Variants in NRG3 observed in about 807,000 individuals in gnomAD.
The protein encoded by NRG3 is pro-neuregulin-3, membrane-bound isoform.
Under a neutral mutation model 66.9 loss-of-function variants are expected in NRG3, and 31 were observed. The observed-to-expected ratio is 0.46, with a 90% CI of 0.35 to 0.63. The LOEUF is 0.63. Among genes scored for constraint, NRG3 ranks in the 20% least tolerant of loss-of-function variants. NRG3 has a pLI of 0.00. For synonymous variants in NRG3, 393 were observed against 359.4 expected, an observed-to-expected ratio of 1.09 and a Z score of -1.06; for missense variants, 910 against 878.9, an observed-to-expected ratio of 1.04 and a Z score of -0.45.
At chr10:81,908,258 T>C (rs1844787473) in intron 1 of NRG3, among the ~76,000 whole-genome samples, 1 of 152,204 alleles carries the variant, frequency 6.6e-6, no homozygotes, top group African/African-American at 2.4e-5. Flanking sequence ...TCATTTGATA[T>C]CACCAGTGAT....
At chr10:82,799,660 G>A (rs1047204390) in intron 3 of NRG3, 1 of 152,158 alleles carries the variant, frequency 6.6e-6, no homozygotes, top group South Asian at 2.1e-4. Flanking sequence ...ACTGATGGGG[G>A]ATTCGTGCAC....
chr10:82,188,801 G>A (rs1270562551), intron 1 of NRG3, among the ~76,000 whole-genome samples: 1 of 152,114 alleles, frequency 6.6e-6, no homozygotes, highest in African/African-American at 2.4e-5. Flanking sequence ...GAGGCTATGG[G>A]AGAGGTGAGG....
chr10:82,109,497 T>A (rs998327899), intron 1 of NRG3, among the ~76,000 whole-genome samples: 1 of 151,728 alleles, frequency 6.6e-6, no homozygotes. Context: ...TATAGAGGCT[T>A]ATTGTGTTGC....
At chr10:82,155,458 G>GT (rs1387598049) in intron 1 of NRG3, among the ~76,000 whole-genome samples, 7 of 151,772 alleles carry the variant, frequency 4.6e-5, no homozygotes. Flanking sequence ...ATGGATTACT[G>GT]TAATTATGAA....
At chr10:82,021,220 A>G (rs895312182) in intron 1 of NRG3, among the ~76,000 whole-genome samples, 5 of 152,044 alleles carry the variant, frequency 3.3e-5, no homozygotes, top group Admixed American at 2.6e-4. Flanking sequence ...AGCAAGTGCA[A>G]CGACGGTGTT....
intron 2 of NRG3, among the ~76,000 whole-genome samples, chr10:82,429,007 G>A (rs771799305): frequency 1.1e-4 from 17 of 151,670 alleles, no homozygotes; most frequent in East Asian, 7.7e-4. Flanking sequence ...AGTCTCTTTC[G>A]CCTGATAGTA....
intron 1 of NRG3, among the ~76,000 whole-genome samples, chr10:81,957,602 T>C (rs1355719951): frequency 6.6e-6 from 1 of 152,244 alleles, no homozygotes; most frequent in Admixed American, 6.5e-5. Flanking sequence ...TCTGTCTTTC[T>C]GTTACTCTAT....
At position 82,339,304 on chromosome 10, in the gene NRG3, G is replaced by A. The variant is rs114778572; in HGVS notation, c.824-19435G>A. ...CAGTTATGAAGAAATACCTGAGACT[G>A]GGTAATTTAAGAAGAAAAGAGGTTT... On this transcript the variant is annotated intron_variant, in intron 1 of 8. Transcript: ENST00000372141. Among the ~76,000 whole-genome samples the A allele has an allele frequency of 8.8e-3, 1,334 of 152,262 alleles. 19 individuals carry two copies. Among genetic ancestry groups the A allele is most frequent in the African/African-American group, 0.03 (1,259 of 41,540 alleles).
chr10:82,244,688 G>T, intron 1 of NRG3, among the ~76,000 whole-genome samples: 1 of 152,002 alleles, frequency 6.6e-6, no homozygotes, highest in Non-Finnish European at 1.5e-5. Context: ...AGGGGGTACT[G>T]AGAGCGGGGG....
At chr10:81,881,917 C>G (rs988481506) in intron 1 of NRG3, among the ~76,000 whole-genome samples, 2 of 151,872 alleles carry the variant, frequency 1.3e-5, no homozygotes, top group Non-Finnish European at 2.9e-5. Context: ...TAAACCCTTG[C>G]CCTGGGAATC....
At chr10:82,185,139 C>A (rs1159052558) in intron 1 of NRG3, among the ~76,000 whole-genome samples, 1 of 152,014 alleles carries the variant, frequency 6.6e-6, no homozygotes, top group Non-Finnish European at 1.5e-5. Context: ...AGACTCAGGA[C>A]CAGTCCTGGC....
chr10:82,612,542 G>T (rs1002360144), intron 2 of NRG3, among the ~76,000 whole-genome samples: 5 of 152,138 alleles, frequency 3.3e-5, no homozygotes, highest in Non-Finnish European at 7.4e-5. Context: ...GCATTAATGT[G>T]CAAGGAAGAA....
At chr10:82,284,051 C>T (rs1328213733) in intron 1 of NRG3, among the ~76,000 whole-genome samples, 1 of 152,138 alleles carries the variant, frequency 6.6e-6, no homozygotes. Flanking sequence ...TGAGTTGTTC[C>T]AATACAGACT....
At chr10:82,885,645 A>C (rs925378288) in intron 4 of NRG3, among the ~76,000 whole-genome samples, 4 of 152,214 alleles carry the variant, frequency 2.6e-5, no homozygotes, top group Non-Finnish European at 5.9e-5. Context: ...AGCCAACTGC[A>C]ATGTAATCAC....
At chr10:82,177,662 C>T (rs1362878062) in intron 1 of NRG3, among the ~76,000 whole-genome samples, 1 of 152,146 alleles carries the variant, frequency 6.6e-6, no homozygotes, top group Non-Finnish European at 1.5e-5. Flanking sequence ...CCACTTCTAC[C>T]TCTTGGGCCT....
At chr10:82,349,286 C>G (rs910306598) in intron 1 of NRG3, among the ~76,000 whole-genome samples, 4 of 152,136 alleles carry the variant, frequency 2.6e-5, no homozygotes, top group African/African-American at 7.2e-5. Flanking sequence ...TTCTAACAGA[C>G]GGGACCCTCA....
rs188190213 is a variant in NRG3, at chr10:81,891,524, G to C, written c.823+15361G>C. ...GAACAGAAGACCCTGATGAACACAAGGAAGATGAGGGAGGTGATTTCCATG... is the reference window on the plus strand; with the variant it reads ...GAACAGAAGACCCTGATGAACACAACGAAGATGAGGGAGGTGATTTCCATG... On this transcript the variant is annotated intron_variant, in intron 1 of 8. Transcript: ENST00000372141. 3.4e-4 allele frequency among the ~76,000 whole-genome samples: 52 copies of C among 152,316 alleles called. No homozygotes were observed. In the East Asian group the frequency reaches 9.9e-3, roughly 29 times the overall value.
At chr10:82,526,054 T>G (rs1846661976) in intron 2 of NRG3, among the ~76,000 whole-genome samples, 1 of 151,998 alleles carries the variant, frequency 6.6e-6, no homozygotes, top group Non-Finnish European at 1.5e-5. Context: ...TTTAGTTGAC[T>G]GGGTGGACAC....
intron 2 of NRG3, among the ~76,000 whole-genome samples, chr10:82,684,129 T>G (rs548738106): frequency 1.3e-5 from 2 of 152,342 alleles, no homozygotes; most frequent in South Asian, 4.1e-4. Context: ...TATCTTTAGA[T>G]ACAAGGATAC....
Sources: gnomAD v4.1 joint callset for allele counts (sites outside exome capture counted in the v4.1 genomes callset) on GRCh38, gnomAD v4.1.1 for gene constraint, MANE v1.5 for transcripts, NCBI Gene and HGNC (gene_info 2026-07-23, HGNC 2026-07-21) for gene names.